BTRC: variants seen among roughly 807,000 people sequenced by gnomAD.
BTRC encodes the protein beta-transducin repeat containing E3 ubiquitin protein ligase.
Under a neutral mutation model 85.5 loss-of-function variants are expected in BTRC, and 42 were observed. The ratio of observed to expected loss-of-function variants is 0.49; its 90% CI spans 0.38 to 0.64. The LOEUF (loss-of-function observed/expected upper bound fraction) is 0.64, where lower values mean the gene tolerates loss of function less well. Ranked by LOEUF, BTRC falls within the 30% of genes least tolerant of loss-of-function variation. BTRC has a pLI of 0.00. For missense variants in BTRC, 594 were observed against 743.5 expected (o/e 0.80, Z 2.34); for synonymous variants, 255 against 263.3 (o/e 0.97, Z 0.30).
Position 101,514,115 on chromosome 10 carries a change from C to G in BTRC, c.325-7524C>G, listed in dbSNP as rs961057495. On this transcript the variant is annotated intron_variant, in intron 4 of 14. Transcript: ENST00000370187. ...CAAATCTTTTGCCTATTTAATAAAACAGGATTTTTTAAAAATTATTATTGA... is the reference window on the plus strand; with the variant it reads ...CAAATCTTTTGCCTATTTAATAAAAGAGGATTTTTTAAAAATTATTATTGA... Among the ~76,000 whole-genome samples, 9 of 152,158 alleles carry G rather than the reference C, an allele frequency of 5.9e-5. No individual in the cohort carries two copies. In the East Asian group the frequency reaches 1.7e-3, roughly 29 times the overall value.
intron 1 of BTRC, among the ~76,000 whole-genome samples, chr10:101,412,529 A>G (rs1002536010): frequency 6.6e-6 from 1 of 152,234 alleles, no homozygotes; most frequent in Non-Finnish European, 1.5e-5. Context: ...GCCTTATGGT[A>G]GAATCTAAAG....
At chr10:101,355,887 C>T (rs1341006726) in intron 1 of BTRC, among the ~76,000 whole-genome samples, 2 of 152,070 alleles carry the variant, frequency 1.3e-5, no homozygotes, top group Admixed American at 6.5e-5. Context: ...GGATTTCTGC[C>T]CAACATTAAA....
At chr10:101,463,491 T>G (rs563964463) in intron 3 of BTRC, among the ~76,000 whole-genome samples, 2 of 152,326 alleles carry the variant, frequency 1.3e-5, no homozygotes, top group African/African-American at 4.8e-5. Context: ...TGTATTCATT[T>G]TTAATATAAA....
chr10:101,480,471 A>G (rs1341638726), intron 4 of BTRC, among the ~76,000 whole-genome samples: 1 of 152,230 alleles, frequency 6.6e-6, no homozygotes, highest in African/African-American at 2.4e-5. Flanking sequence ...GTGTCTGGTG[A>G]GGGCTTGCTC....
chr10:101,425,029 T>C (rs1305741155), intron 1 of BTRC, among the ~76,000 whole-genome samples: 1 of 152,210 alleles, frequency 6.6e-6, no homozygotes, highest in African/African-American at 2.4e-5. Flanking sequence ...TTTGTTCCTA[T>C]GTATAAGTGA....
At chr10:101,441,601 C>T (rs1043380352) in intron 2 of BTRC, among the ~76,000 whole-genome samples, 6 of 152,036 alleles carry the variant, frequency 3.9e-5, no homozygotes, top group African/African-American at 9.7e-5. Context: ...TTTTCTTGGC[C>T]GGGCGTGGTG....
chr10:101,443,340 G>A (rs532240726), intron 2 of BTRC, among the ~76,000 whole-genome samples: 35 of 152,238 alleles, frequency 2.3e-4, no homozygotes, highest in African/African-American at 8.2e-4. Flanking sequence ...ATGTAGTCCT[G>A]CGCAACATTA....
At chr10:101,395,673 G>T (rs1290111191) in intron 1 of BTRC, among the ~76,000 whole-genome samples, 3 of 151,980 alleles carry the variant, frequency 2.0e-5, no homozygotes, top group Admixed American at 6.6e-5. Flanking sequence ...TTGGTTCTCA[G>T]GTTTGATTAA....
chr10:101,460,623 A>G (rs1391487704), intron 2 of BTRC, among the ~76,000 whole-genome samples: 1 of 152,240 alleles, frequency 6.6e-6, no homozygotes, highest in Non-Finnish European at 1.5e-5. Context: ...GGTGACACAC[A>G]GGTGTCAGCC....
chr10:101,444,270 T>A (rs906610266), intron 2 of BTRC, among the ~76,000 whole-genome samples: 1 of 152,256 alleles, frequency 6.6e-6, no homozygotes, highest in African/African-American at 2.4e-5. Flanking sequence ...TTTGTTACAA[T>A]GCCTCCTACT....
intron 3 of BTRC, among the ~76,000 whole-genome samples, chr10:101,477,296 C>T (rs1283804957): frequency 6.6e-6 from 1 of 151,940 alleles, no homozygotes; most frequent in Non-Finnish European, 1.5e-5. Context: ...CCACCAGGCC[C>T]CACCGTGATC....
At chr10:101,462,314 A>AT (rs1181366898) in intron 3 of BTRC, among the ~76,000 whole-genome samples, 1 of 152,218 alleles carries the variant, frequency 6.6e-6, no homozygotes, top group Non-Finnish European at 1.5e-5. Flanking sequence ...CCTGTAATAA[A>AT]GTTAGCCCTT....
intron 4 of BTRC, among the ~76,000 whole-genome samples, chr10:101,511,603 C>T (rs1219051242): frequency 6.6e-6 from 1 of 152,156 alleles, no homozygotes; most frequent in Non-Finnish European, 1.5e-5. Flanking sequence ...GTTGCCCAGA[C>T]TGGAGTGCAG....
At chr10:101,419,842 T>A (rs1164357952) in intron 1 of BTRC, among the ~76,000 whole-genome samples, 1 of 152,202 alleles carries the variant, frequency 6.6e-6, no homozygotes, top group Non-Finnish European at 1.5e-5. Context: ...CCCTGTATTA[T>A]TTTGACATGT....
intron 4 of BTRC, among the ~76,000 whole-genome samples, chr10:101,512,649 C>G (rs543122361): frequency 8.5e-5 from 13 of 152,292 alleles, no homozygotes; most frequent in Admixed American, 8.5e-4. Context: ...GTCTATTTTT[C>G]CCTCCTGGCC....
chr10:101,449,149 C>T (rs147529749), intron 2 of BTRC, among the ~76,000 whole-genome samples: 14 of 151,992 alleles, frequency 9.2e-5, no homozygotes, highest in Admixed American at 2.6e-4. Flanking sequence ...GATGGTTTTA[C>T]GTCTCGGGAT....
At chr10:101,471,912 G>A (rs997609776) in intron 3 of BTRC, among the ~76,000 whole-genome samples, 1 of 152,034 alleles carries the variant, frequency 6.6e-6, no homozygotes, top group Non-Finnish European at 1.5e-5. Flanking sequence ...TTTTAATACT[G>A]TGATTGTTTC....
At chr10:101,414,759 T>C in intron 1 of BTRC, 1 of 316,872 alleles carries the variant, frequency 3.2e-6, no homozygotes, top group South Asian at 3.3e-5. Context: ...TGTGTTGGTT[T>C]TCAACAAAGA....
At chr10:101,467,919 G>A (rs1193100801) in intron 3 of BTRC, among the ~76,000 whole-genome samples, 1 of 152,094 alleles carries the variant, frequency 6.6e-6, no homozygotes, top group Non-Finnish European at 1.5e-5. Context: ...AGATCTTAAA[G>A]GTAATTAATG....
Sources: allele counts gnomAD v4.1 joint callset (sites outside exome capture counted in the v4.1 genomes callset), GRCh38; gene constraint gnomAD v4.1.1; transcripts MANE v1.5; gene names NCBI Gene and HGNC (gene_info 2026-07-23, HGNC 2026-07-21).